The following TRAPPC9 variants were observed in gnomAD, a reference collection of about 807,000 sequenced individuals.
The protein encoded by TRAPPC9 is IKK2 binding protein.
A neutral mutation model predicts 124.0 loss-of-function variants in TRAPPC9; 83 were observed. The ratio of observed to expected loss-of-function variants is 0.67; its 90% CI spans 0.56 to 0.80. The LOEUF (loss-of-function observed/expected upper bound fraction) is 0.80, where lower values mean the gene tolerates loss of function less well. Among genes scored for constraint, TRAPPC9 ranks in the 30% least tolerant of loss-of-function variants. The pLI, the probability that TRAPPC9 is intolerant of heterozygous loss-of-function variation, is 0.00. For synonymous variants in TRAPPC9, 638 were observed against 617.5 expected (o/e 1.03, Z -0.49); for missense variants, 1,302 against 1,508.3 (o/e 0.86, Z 2.27).
intron 19 of TRAPPC9, chr8:139,914,723 T>A (rs892296607): frequency 3.3e-5 from 5 of 152,250 alleles, no homozygotes; most frequent in African/African-American, 9.6e-5. Flanking sequence ...GCTTTCTCAA[T>A]GAGCAAGCTA....
intron 10 of TRAPPC9, among the ~76,000 whole-genome samples, chr8:140,301,687 C>T (rs537811077): frequency 1.3e-5 from 2 of 152,240 alleles, no homozygotes; most frequent in South Asian, 2.1e-4. Flanking sequence ...GTGCTCCCCA[C>T]CCCCCGCCTC....
At chr8:139,833,812 A>G (rs114521492) in intron 21 of TRAPPC9, among the ~76,000 whole-genome samples, 2,865 of 152,194 alleles carry the variant, frequency 0.019, 84 homozygotes, top group African/African-American at 0.065. Flanking sequence ...CCGCTTCAGG[A>G]GCAGGAGGGG....
chr8:140,193,685 T>C (rs2062557324), intron 17 of TRAPPC9, among the ~76,000 whole-genome samples: 1 of 146,364 alleles, frequency 6.8e-6, no homozygotes, highest in Admixed American at 6.8e-5. Context: ...GAAAGTCCAC[T>C]GGAAAGGCTG....
chr8:139,899,905 G>A (rs1444736690), intron 20 of TRAPPC9, among the ~76,000 whole-genome samples: 1 of 152,110 alleles, frequency 6.6e-6, no homozygotes, highest in Non-Finnish European at 1.5e-5. Flanking sequence ...ATGTACATTT[G>A]GAGACTCTTG....
chr8:140,331,617 A>AATC (rs57241018), intron 9 of TRAPPC9, among the ~76,000 whole-genome samples: 2,045 of 150,714 alleles, frequency 0.014, 17 homozygotes, highest in Non-Finnish European at 0.021. Flanking sequence ...AACAGCAAAA[A>AATC]ATCATCATCA....
chr8:140,000,417 A>G (rs1195602674), intron 18 of TRAPPC9, among the ~76,000 whole-genome samples: 1 of 152,270 alleles, frequency 6.6e-6, no homozygotes, highest in East Asian at 1.9e-4. Flanking sequence ...CTGCACAGCA[A>G]AAGAAACTAC....
chr8:140,293,812 A>G (rs1328853215), intron 11 of TRAPPC9, among the ~76,000 whole-genome samples: 2 of 152,122 alleles, frequency 1.3e-5, no homozygotes, highest in Non-Finnish European at 2.9e-5. Flanking sequence ...ACATGTATAC[A>G]TATGTAACTA....
chr8:139,815,018 G>A (rs1341812954), intron 21 of TRAPPC9, among the ~76,000 whole-genome samples: 2 of 152,214 alleles, frequency 1.3e-5, no homozygotes, highest in African/African-American at 2.4e-5. Context: ...CGGCAAAGCT[G>A]CCAGCACCTG....
At chr8:140,147,349 T>A (rs1437420238) in intron 17 of TRAPPC9, among the ~76,000 whole-genome samples, 1 of 152,200 alleles carries the variant, frequency 6.6e-6, no homozygotes, top group Non-Finnish European at 1.5e-5. Flanking sequence ...AATTCCTTTG[T>A]TGAGTGAGGG....
At chr8:140,145,667 G>A (rs569255326) in intron 17 of TRAPPC9, among the ~76,000 whole-genome samples, 4 of 151,852 alleles carry the variant, frequency 2.6e-5, no homozygotes, top group Admixed American at 6.6e-5. Context: ...GGCAGATTTC[G>A]ATTTGCTAAT....
At chr8:140,115,537 G>T (rs994193194) in intron 17 of TRAPPC9, among the ~76,000 whole-genome samples, 1 of 152,060 alleles carries the variant, frequency 6.6e-6, no homozygotes, top group South Asian at 2.1e-4. Flanking sequence ...AAAGTGCTGG[G>T]ATTACAGGCA....
intron 17 of TRAPPC9, among the ~76,000 whole-genome samples, chr8:140,026,706 C>T (rs1181959248): frequency 6.6e-6 from 1 of 152,152 alleles, no homozygotes; most frequent in African/African-American, 2.4e-5. Context: ...CCTCTCACCA[C>T]TCCTATAGGT....
chr8:140,263,910 C>T (rs1024673922), intron 15 of TRAPPC9, among the ~76,000 whole-genome samples: 5 of 152,300 alleles, frequency 3.3e-5, no homozygotes, highest in East Asian at 1.9e-4. Flanking sequence ...CCTCTGTCCA[C>T]GCCGAGATAT....
intron 19 of TRAPPC9, among the ~76,000 whole-genome samples, chr8:139,956,043 C>T (rs562644334): frequency 1.6e-4 from 24 of 152,308 alleles, no homozygotes; most frequent in African/African-American, 5.8e-4. Context: ...GGAGACCTGA[C>T]GAGAGTGTGG....
chr8:140,117,495 C>G (rs2060910601), intron 17 of TRAPPC9, among the ~76,000 whole-genome samples: 1 of 152,126 alleles, frequency 6.6e-6, no homozygotes, highest in African/African-American at 2.4e-5. Context: ...GCTGGTTCCT[C>G]ACATGACAGT....
chr8:140,137,774 G>A (rs2061327694), intron 17 of TRAPPC9, among the ~76,000 whole-genome samples: 1 of 152,172 alleles, frequency 6.6e-6, no homozygotes, highest in Admixed American at 6.5e-5. Flanking sequence ...ACTGAGGTTT[G>A]GGGATATCAT....
At chr8:140,457,917 GGGA>G (rs1165230406), upstream of TRAPPC9, among the ~76,000 whole-genome samples, 7 of 146,256 alleles carry the variant, frequency 4.8e-5, no homozygotes, top group Admixed American at 1.4e-4. Flanking sequence ...GACATGGGGA[GGGA>G]GGAGGAGGAG....
intron 5 of TRAPPC9, among the ~76,000 whole-genome samples, chr8:140,415,152 A>G (rs1239187983): frequency 6.6e-6 from 1 of 152,040 alleles, no homozygotes; most frequent in Non-Finnish European, 1.5e-5. Flanking sequence ...TCTAGGCTGC[A>G]GTGAGCTGTA....
At chr8:140,112,464 G>T (rs952208918) in intron 17 of TRAPPC9, among the ~76,000 whole-genome samples, 1 of 152,160 alleles carries the variant, frequency 6.6e-6, no homozygotes, top group Admixed American at 6.5e-5. Context: ...AATTCCAGAC[G>T]ATGGTGGACA....
Sources: gnomAD v4.1 joint callset for allele counts (sites outside exome capture counted in the v4.1 genomes callset) on GRCh38, gnomAD v4.1.1 for gene constraint, MANE v1.5 for transcripts, NCBI Gene and HGNC (gene_info 2026-07-23, HGNC 2026-07-21) for gene names.